The following PCDH15 variants were observed in gnomAD, a reference collection of about 807,000 sequenced individuals.
The protein encoded by PCDH15 is protocadherin related 15.
In PCDH15, 129 loss-of-function variants were observed where a neutral mutation model predicts 178.5. The ratio of observed to expected loss-of-function variants is 0.72; its 90% confidence interval spans 0.63 to 0.84. PCDH15 has a LOEUF of 0.84. Among genes scored for constraint, PCDH15 ranks in the 40% least tolerant of loss-of-function variants. PCDH15 has a pLI of 0.00. For synonymous variants in PCDH15, 800 were observed against 732.0 expected (o/e 1.09, Z -1.50); for missense variants, 2,230 against 2,099.9 (o/e 1.06, Z -1.21).
intron 13 of PCDH15, among the ~76,000 whole-genome samples, chr10:54,181,905 AT>A (rs2048016083): frequency 6.6e-6 from 1 of 152,126 alleles, no homozygotes; most frequent in Non-Finnish European, 1.5e-5. Context: ...TAAATAAAAA[AT>A]AATAGCATTG....
chr10:55,402,973 C>T (rs929360332), intron 2 of PCDH15, among the ~76,000 whole-genome samples: 1 of 151,896 alleles, frequency 6.6e-6, no homozygotes, highest in African/African-American at 2.4e-5. Context: ...ACATCCTTGC[C>T]AGCGTTTGTT....
At chr10:55,430,151 C>T (rs2132055733) in intron 2 of PCDH15, among the ~76,000 whole-genome samples, 1 of 152,110 alleles carries the variant, frequency 6.6e-6, no homozygotes, top group African/African-American at 2.4e-5. Flanking sequence ...GTTAGCCAGG[C>T]ATGGTGGCAC....
chr10:53,970,056 C>A (rs1317038025), intron 21 of PCDH15, among the ~76,000 whole-genome samples: 1 of 152,088 alleles, frequency 6.6e-6, no homozygotes, highest in Non-Finnish European at 1.5e-5. Context: ...TTAAAAGACA[C>A]AGACTGGCAA....
At chr10:54,964,114 C>T (rs956570512) in intron 2 of PCDH15, among the ~76,000 whole-genome samples, 1 of 152,174 alleles carries the variant, frequency 6.6e-6, no homozygotes, top group African/African-American at 2.4e-5. Context: ...GTGATCTGGT[C>T]AGTTTCATTT....
At chr10:55,338,930 G>T (rs1844476461) in intron 2 of PCDH15, among the ~76,000 whole-genome samples, 1 of 152,062 alleles carries the variant, frequency 6.6e-6, no homozygotes. Flanking sequence ...TAAAAATAAA[G>T]AAGAAGAATA....
intron 2 of PCDH15, among the ~76,000 whole-genome samples, chr10:55,024,074 CAT>C (rs71461269): frequency 0.22 from 31,901 of 142,914 alleles, 3,988 homozygotes; most frequent in African/African-American, 0.32. Flanking sequence ...TACACACACT[CAT>C]ATATATATAT....
chr10:55,006,181 T>G (rs1839924196), intron 2 of PCDH15, among the ~76,000 whole-genome samples: 1 of 152,130 alleles, frequency 6.6e-6, no homozygotes, highest in South Asian at 2.1e-4. Context: ...TGCAGTATAA[T>G]AGATCACTCA....
intron 2 of PCDH15, among the ~76,000 whole-genome samples, chr10:54,932,219 C>A (rs76840738): frequency 1.3e-5 from 2 of 152,114 alleles, no homozygotes; most frequent in African/African-American, 4.8e-5. Context: ...AGGAGATGAG[C>A]GCTTCACGCA....
At chr10:55,608,686 G>A (rs1287805624) in intron 2 of PCDH15, among the ~76,000 whole-genome samples, 1 of 151,810 alleles carries the variant, frequency 6.6e-6, no homozygotes, top group African/African-American at 2.4e-5. Flanking sequence ...CGAGGAAATG[G>A]GAGATCAGTC....
At chr10:55,037,511 C>T (rs546213970) in intron 2 of PCDH15, among the ~76,000 whole-genome samples, 2 of 152,230 alleles carry the variant, frequency 1.3e-5, no homozygotes, top group Admixed American at 6.5e-5. Flanking sequence ...AGATTACAGG[C>T]GTGAGCCACC....
chr10:53,982,510 G>A (rs1233570801), intron 21 of PCDH15, among the ~76,000 whole-genome samples: 1 of 152,056 alleles, frequency 6.6e-6, no homozygotes, highest in African/African-American at 2.4e-5. Context: ...ATGAGTTCAT[G>A]TCCTTTGTAG....
rs1318939185 is a variant in PCDH15, at chr10:55,341,781, ATATATATATATATATATATATATATTTT to A, written c.-155-175158_-155-175131del. 8.0e-4 allele frequency among the ~76,000 whole-genome samples: 8 copies of A among 10,062 alleles called. 1 individual carries two copies. The highest frequency in any genetic ancestry group is 3.2e-3 in the South Asian group (1 of 312). The allele number at this position is 10,062 out of a possible 152,430, so 6.6% of individuals were successfully genotyped here. ...CATATGCATATATATATATATATATATATATATATATATATATATATATATTTTTTTTTTTTTTTTTTTTTTTTTTAGT... is the reference window on the plus strand; with the variant it reads ...CATATGCATATATATATATATATATATTTTTTTTTTTTTTTTTTTTTTAGT... On this transcript the variant is annotated intron_variant, in intron 2 of 5. Coordinates refer to the PCDH15 transcript ENST00000613346.
At chr10:54,116,237 CAAAAAAA>C (rs58948747) in intron 15 of PCDH15, among the ~76,000 whole-genome samples, 3 of 124,748 alleles carry the variant, frequency 2.4e-5, no homozygotes, top group African/African-American at 8.8e-5. Context: ...ACTGAAAATG[CAAAAAAA>C]AAAAAAAAAA....
At chr10:54,727,417 A>G (rs1349468740) in intron 1 of PCDH15, among the ~76,000 whole-genome samples, 1 of 151,582 alleles carries the variant, frequency 6.6e-6, no homozygotes, top group Non-Finnish European at 1.5e-5. Flanking sequence ...ACAAAGATAC[A>G]ACATACCAGA....
intron 2 of PCDH15, among the ~76,000 whole-genome samples, chr10:55,483,875 T>G (rs1046579004): frequency 4.0e-5 from 6 of 150,502 alleles, no homozygotes; most frequent in African/African-American, 1.5e-4. Flanking sequence ...GCAGAACTAT[T>G]CACAATAGCA....
At chr10:55,185,308 G>A (rs569214599) in intron 1 of PCDH15, among the ~76,000 whole-genome samples, 2 of 151,876 alleles carry the variant, frequency 1.3e-5, no homozygotes, top group South Asian at 4.1e-4. Flanking sequence ...AGAAATATTT[G>A]AGGCTTTAAT....
At chr10:55,001,428 C>T (rs1839792183) in intron 2 of PCDH15, among the ~76,000 whole-genome samples, 1 of 152,154 alleles carries the variant, frequency 6.6e-6, no homozygotes, top group Non-Finnish European at 1.5e-5. Flanking sequence ...CAGCTGAGGC[C>T]CTTCATGGAT....
chr10:55,368,841 T>C (rs777934903), intron 2 of PCDH15, among the ~76,000 whole-genome samples: 17 of 152,012 alleles, frequency 1.1e-4, no homozygotes, highest in Non-Finnish European at 2.2e-4. Flanking sequence ...ATTTTTTATA[T>C]GTAAGCAGAA....
chr10:54,423,592 GC>G (rs1006047632), intron 3 of PCDH15, among the ~76,000 whole-genome samples: 1 of 151,722 alleles, frequency 6.6e-6, no homozygotes, highest in Non-Finnish European at 1.5e-5. Context: ...CTAATCCGAA[GC>G]CAAAAAAAGT....
Sources: gnomAD v4.1 joint callset for allele counts (sites outside exome capture counted in the v4.1 genomes callset) on GRCh38, gnomAD v4.1.1 for gene constraint, MANE v1.5 for transcripts, NCBI Gene and HGNC (gene_info 2026-07-23, HGNC 2026-07-21) for gene names.